Variants in FERMT1 observed in about 807,000 individuals in gnomAD.
FERMT1 encodes FERM domain containing kindlin 1.
FERMT1 carries 60 observed loss-of-function variants against 85.3 expected under a neutral mutation model. The observed-to-expected ratio is 0.70, with a 90% CI of 0.57 to 0.87. The LOEUF (loss-of-function observed/expected upper bound fraction) is 0.87. Ranked by LOEUF, FERMT1 falls within the 40% of genes least tolerant of loss-of-function variation. The probability of loss-of-function intolerance (pLI) is 0.00; values close to 1 mark genes in which losing one functional copy is unlikely to be tolerated. For missense variants in FERMT1, 701 were observed against 818.9 expected (o/e 0.86, Z 1.76); for synonymous variants, 275 against 301.1 (o/e 0.91, Z 0.90).
At position 6,110,351 on chromosome 20, in the gene FERMT1, A is replaced by C. The variant is rs1394758696; in HGVS notation, c.693T>G (p.Leu231=). Residue 231 remains leucine (L), a synonymous_variant, in exon 5 of 15, where the codon CTT becomes CTG. Coordinates refer to ENST00000217289, the MANE Select transcript of FERMT1 (RefSeq NM_017671.5). ...FSQPPQSPEA[L]ADMYQPRSLV... is the part of the protein sequence containing the mutation. ...GAGACCGAGGCTGGTACATATCCGC[A>C]AGTGCTTCTGGGGACTGGGGGGGTT... 6.2e-7 allele frequency: 1 copy of C among 1,613,680 alleles called. No individual in the cohort carries two copies. The highest frequency in any genetic ancestry group is 1.1e-5 in the South Asian group (1 of 91,056).
chr20:6,109,732 T>G (rs1181745126), intron 5 of FERMT1, among the ~76,000 whole-genome samples: 1 of 151,624 alleles, frequency 6.6e-6, no homozygotes, highest in African/African-American at 2.4e-5. Flanking sequence ...AAACCCAATC[T>G]CTACTAAAAA....
At chr20:6,098,383 T>A (rs767338797) in intron 6 of FERMT1, among the ~76,000 whole-genome samples, 5 of 152,102 alleles carry the variant, frequency 3.3e-5, no homozygotes, top group Non-Finnish European at 7.3e-5. Context: ...GTGGAAGACA[T>A]AATGTTCAAA....
intron 9 of FERMT1, among the ~76,000 whole-genome samples, chr20:6,091,517 C>A (rs1982365853): frequency 6.6e-6 from 1 of 152,114 alleles, no homozygotes; most frequent in Non-Finnish European, 1.5e-5. Context: ...CAGGCATGAG[C>A]CTCCATGCCC....
At chr20:6,117,796 C>T (rs910137026) in intron 2 of FERMT1, among the ~76,000 whole-genome samples, 1 of 148,452 alleles carries the variant, frequency 6.7e-6, no homozygotes, top group African/African-American at 2.5e-5. Flanking sequence ...ATCCACCCAC[C>T]TCAGCCTTCC....
chr20:6,086,491 C>T (rs767393860), intron 11 of FERMT1, among the ~76,000 whole-genome samples: 4 of 152,082 alleles, frequency 2.6e-5, no homozygotes, highest in African/African-American at 4.8e-5. Flanking sequence ...TAAAGAGGGG[C>T]GTTCTTCAGT....
rs188796242 is a variant in FERMT1 at position 6,091,229 on chromosome 20, T to C, written c.1140-2140A>G. 1.6e-4 allele frequency among the ~76,000 whole-genome samples: 25 copies of C among 151,846 alleles called. No individual in the cohort carries two copies. In the East Asian group the frequency reaches 4.5e-3, roughly 27 times the overall value. Reference sequence around the variant, plus strand: ...TGAGGGCTGTAGTTAAGACAGTTCTTTTTTTTGTTTTGTTTTTTGAGATGA... The same window carrying C: ...TGAGGGCTGTAGTTAAGACAGTTCTCTTTTTTGTTTTGTTTTTTGAGATGA... On this transcript the variant is annotated intron_variant, in intron 9 of 14. Coordinates refer to ENST00000217289, the MANE Select transcript of FERMT1 (RefSeq NM_017671.5).
At chr20:6,085,559 A>G (rs972021806) in intron 11 of FERMT1, among the ~76,000 whole-genome samples, 6 of 152,150 alleles carry the variant, frequency 3.9e-5, no homozygotes, top group Non-Finnish European at 8.8e-5. Flanking sequence ...GCATTTAAAG[A>G]TGATCCAAGG....
chr20:6,094,363 T>G (rs1389229944), intron 9 of FERMT1, among the ~76,000 whole-genome samples: 1 of 152,266 alleles, frequency 6.6e-6, no homozygotes, highest in Non-Finnish European at 1.5e-5. Context: ...TTTAGCAGTT[T>G]CAGGTCAACC....
chr20:6,095,029 T>G lies in FERMT1; in HGVS notation c.1090-41A>C, dbSNP rs202227887. 9.8e-4 allele frequency: 1,101 copies of G among 1,120,284 alleles called. 1 individual carries two copies. The highest frequency in any genetic ancestry group is 1.5e-3 in the Non-Finnish European group (1,063 of 729,660). The allele number at this position is 1,120,284 out of a possible 1,614,324, so 69.4% of individuals were successfully genotyped here. ...TAAAGTTTCAAAAGCAGGAACTTCA[T>G]AAGTGATGCTGATACTCAACCTGCA... On this transcript the variant is annotated intron_variant, in intron 8 of 14. Transcript: ENST00000217289.
chr20:6,089,473 G>A (rs1279894563), intron 9 of FERMT1, among the ~76,000 whole-genome samples: 2 of 152,226 alleles, frequency 1.3e-5, no homozygotes, highest in African/African-American at 2.4e-5. Flanking sequence ...TGATGCAACT[G>A]AAGTGTTAAC....
chr20:6,095,687 G>A (rs1361280747), intron 8 of FERMT1, among the ~76,000 whole-genome samples: 2 of 152,196 alleles, frequency 1.3e-5, no homozygotes, highest in East Asian at 1.9e-4. Flanking sequence ...ATTCAGCGGA[G>A]AAAGTAGACA....
chr20:6,090,747 A>T (rs1307842847), intron 9 of FERMT1, among the ~76,000 whole-genome samples: 1 of 152,180 alleles, frequency 6.6e-6, no homozygotes, highest in Non-Finnish European at 1.5e-5. Flanking sequence ...AATAAAATTT[A>T]AAAACCCAGC....
rs2273422 is a variant in FERMT1, at chr20:6,119,594, A to G, written c.-18-22T>C. On this transcript the variant is annotated intron_variant, in intron 1 of 14. Coordinates refer to ENST00000217289, the MANE Select transcript of FERMT1 (RefSeq NM_017671.5). ...GTGTCTGCTGAACAAAAAGGCAGAC[A>G]TAGATTGGAATGTGGGAAGGAAACG... The G allele has an allele frequency of 0.067, 106,835 of 1,597,866 alleles. 8,521 individuals carry two copies. Among genetic ancestry groups the G allele is most frequent in the East Asian group, 0.48 (21,398 of 44,398 alleles).
chr20:6,085,046 C>T lies in FERMT1; in HGVS notation c.1593+20G>A. The T allele has an allele frequency of 1.3e-6, 2 of 1,594,682 alleles. No homozygotes were observed. Among genetic ancestry groups the T allele is most frequent in the Non-Finnish European group, 1.7e-6 (2 of 1,162,312 alleles). ...TAAAGAATTTACTGCAAACAATTGC[C>T]CTAACAAGATTAACAGTACCTGTTT... is the stretch of plus-strand genomic sequence containing the variant. On this transcript the variant is annotated intron_variant, in intron 12 of 14. Coordinates refer to ENST00000217289, the MANE Select transcript of FERMT1 (RefSeq NM_017671.5).
intron 13 of FERMT1, 100 bp downstream of exon 13, chr20:6,083,940 A>G (rs1327431762): frequency 2.2e-6 from 3 of 1,392,262 alleles, no homozygotes; most frequent in Non-Finnish European, 3.0e-6. Context: ...CTCAAATAAA[A>G]AGCATTCTAT....
Position 6,112,170 on chromosome 20 carries a change from C to T in FERMT1, c.532+307G>A, listed in dbSNP as rs547908115. On this transcript the variant is annotated intron_variant, in intron 4 of 14. Coordinates refer to ENST00000217289, the MANE Select transcript of FERMT1 (RefSeq NM_017671.5). ...GGATTACAAGCATGAGGCACCGTGACCAGCCAGTTACCTGTTTTCTAAATA... is the reference window on the plus strand; with the variant it reads ...GGATTACAAGCATGAGGCACCGTGATCAGCCAGTTACCTGTTTTCTAAATA... Among the ~76,000 whole-genome samples the T allele has an allele frequency of 2.6e-5, 4 of 152,136 alleles. No individual in the cohort carries two copies. The South Asian group carries it at 8.3e-4, about 32-fold the overall frequency.
In FERMT1 at chr20:6,088,977, G is replaced by T. The variant is rs1982268532; in HGVS notation, c.1252C>A (p.Leu418Ile). The change falls in exon 10 of 15, where the codon CTA becomes ATA. Residue 418 changes from leucine (L) to isoleucine (I), a missense_variant. By Grantham distance (5) the Leu-to-Ile change is conservative. Coordinates refer to ENST00000217289, the MANE Select transcript of FERMT1 (RefSeq NM_017671.5). ...ELEQGEPLEK[L>I]NLRGCEVVPD... is the part of the protein sequence containing the mutation. Reference sequence around the variant, plus strand: ...AGGGTACTCTTACCTCTAAGATTTAGTTTTTCTAGTGGTTCTCCTTGTTCA... The same window carrying T: ...AGGGTACTCTTACCTCTAAGATTTATTTTTTCTAGTGGTTCTCCTTGTTCA... 1.9e-6 allele frequency: 3 copies of T among 1,611,948 alleles called. No homozygotes were observed. Among genetic ancestry groups the T allele is most frequent in the Non-Finnish European group, 2.5e-6 (3 of 1,178,504 alleles).
In FERMT1 at chr20:6,077,121, A is replaced by G; in HGVS notation, c.*52T>C. On this transcript the variant is annotated 3_prime_UTR_variant, in exon 15 of 15. Coordinates refer to ENST00000217289, the MANE Select transcript of FERMT1 (RefSeq NM_017671.5). ...GGGCACGTTAGGGATCCCTCTGGGG[A>G]GGGGCGCCTTTGGCTTGCCTTGTTG... 11 of 1,591,500 alleles carry G rather than the reference A, an allele frequency of 6.9e-6. No individual in the cohort carries two copies. The highest frequency in any genetic ancestry group is 9.5e-6 in the Non-Finnish European group (11 of 1,161,262).
chr20:6,078,569 C>A (rs955257550), intron 14 of FERMT1, among the ~76,000 whole-genome samples: 1 of 151,934 alleles, frequency 6.6e-6, no homozygotes, highest in Non-Finnish European at 1.5e-5. Context: ...CGAACCTCAA[C>A]TGATCATCCC....
Sources: gnomAD v4.1 joint callset for allele counts (sites outside exome capture counted in the v4.1 genomes callset) on GRCh38, gnomAD v4.1.1 for gene constraint, MANE v1.5 for transcripts, NCBI Gene and HGNC (gene_info 2026-07-23, HGNC 2026-07-21) for gene names.